The following CCDC38 variants were observed in gnomAD, a reference collection of about 807,000 sequenced individuals.
CCDC38 encodes the protein coiled-coil domain-containing protein 38.
CCDC38 carries 69 observed loss-of-function variants against 72.8 expected under a neutral mutation model. The ratio of observed to expected loss-of-function variants is 0.95; its 90% CI spans 0.78 to 1.16. CCDC38 has a LOEUF of 1.16. Among genes scored for constraint, CCDC38 ranks in the 50% most tolerant of loss-of-function variants. The probability of loss-of-function intolerance (pLI) is 0.00; values close to 1 mark genes in which losing one functional copy is unlikely to be tolerated. For missense variants in CCDC38, 626 were observed against 638.9 expected (o/e 0.98, Z 0.22); for synonymous variants, 201 against 213.2 (o/e 0.94, Z 0.50).
chr12:95,928,824 A>G (rs10777753), intron 2 of CCDC38, among the ~76,000 whole-genome samples: 102,715 of 152,068 alleles, frequency 0.68, 35,547 homozygotes, highest in East Asian at 0.95. Flanking sequence ...TGCCCCTGCT[A>G]GGGGGTGACT....
At chr12:95,893,501 T>G (rs948440506) in intron 8 of CCDC38, among the ~76,000 whole-genome samples, 1 of 147,264 alleles carries the variant, frequency 6.8e-6, no homozygotes, top group Non-Finnish European at 1.5e-5. Context: ...TCTCTCTTTT[T>G]TGAGACAGGG....
chr12:95,881,707 A>G (rs1033071969), intron 10 of CCDC38, among the ~76,000 whole-genome samples, 153 bp from the exon 11 acceptor site: 2 of 152,250 alleles, frequency 1.3e-5, no homozygotes, highest in Non-Finnish European at 2.9e-5. Context: ...CTGATTGCAG[A>G]AATCAATGGA....
chr12:95,940,634 A>G (rs184660852), intron 1 of CCDC38, among the ~76,000 whole-genome samples: 8 of 152,236 alleles, frequency 5.3e-5, no homozygotes, highest in African/African-American at 1.9e-4. Flanking sequence ...AGGGGCTGTG[A>G]ACTGTGTCCT....
At chr12:95,901,240 T>C (rs568528058) in intron 5 of CCDC38, among the ~76,000 whole-genome samples, 1 of 152,136 alleles carries the variant, frequency 6.6e-6, no homozygotes, top group Non-Finnish European at 1.5e-5. Flanking sequence ...ATAACCCCAA[T>C]ATTTTTGGTC....
At chr12:95,920,718 T>G (rs1418819461) in intron 2 of CCDC38, among the ~76,000 whole-genome samples, 1 of 152,094 alleles carries the variant, frequency 6.6e-6, no homozygotes, top group East Asian at 1.9e-4. Flanking sequence ...GCCTAGGGGT[T>G]GATGGCTGAG....
chr12:95,898,613 T>A lies in CCDC38; in HGVS notation c.488A>T (p.Glu163Val), dbSNP rs749255393. The change falls in exon 6 of 16, where the codon GAG (glutamate) becomes GTG (valine). Residue 163 changes from glutamate (E) to valine (V), a missense_variant. Glu to Val is a moderately radical substitution (Grantham distance 121). Coordinates refer to ENST00000344280, the MANE Select transcript of CCDC38 (RefSeq NM_182496.3). Reference sequence around the variant, plus strand: ...TCTCTGGTCATTTTCTCGAAGGAACTCTTCAAAGGCCAGTGCATCATCTTG... The same window carrying A: ...TCTCTGGTCATTTTCTCGAAGGAACACTTCAAAGGCCAGTGCATCATCTTG... ...KLQDDALAFE[E>V]FLRENDQRSV... 2.5e-6 allele frequency: 4 copies of A among 1,614,216 alleles called. No homozygotes were observed. In the South Asian group the frequency reaches 3.3e-5, roughly 13 times the overall value.
intron 2 of CCDC38, among the ~76,000 whole-genome samples, chr12:95,925,147 C>T (rs1246368546): frequency 9.2e-5 from 14 of 151,956 alleles, no homozygotes; most frequent in African/African-American, 2.4e-4. Context: ...GCCATTTTCA[C>T]GATATTGATT....
intron 15 of CCDC38, among the ~76,000 whole-genome samples, chr12:95,868,610 C>T (rs190570246): frequency 1.3e-5 from 2 of 152,296 alleles, no homozygotes; most frequent in East Asian, 1.9e-4. Context: ...AGTAAGCATT[C>T]GTTATGTGTT....
chr12:95,879,639 CT>C lies in CCDC38; in HGVS notation c.1142+4del. 6.4e-7 allele frequency: 1 copy of C among 1,567,630 alleles called. No homozygotes were observed. Among genetic ancestry groups the C allele is most frequent in the Non-Finnish European group, 8.7e-7 (1 of 1,145,512 alleles). ...GAATAAATCTACTTGTTTATAATGA[CT>C]TACGTTTTATCCTGTATAACTTTTT... is the stretch of plus-strand genomic sequence containing the variant. On this transcript the variant is annotated splice_donor_region_variant and intron_variant, in intron 12 of 15. Transcript: ENST00000344280. The surrounding 1 kb of genome is among the most constrained non-coding windows in gnomAD (Gnocchi z 5.5).
intron 7 of CCDC38, chr12:95,896,778 C>T (rs1418300310): frequency 6.6e-6 from 1 of 152,044 alleles, no homozygotes; most frequent in East Asian, 1.9e-4. Context: ...CACCTGCTGC[C>T]CTTGCTCCAC....
At chr12:95,878,421 C>T (rs2079660818) in intron 12 of CCDC38, 75 bp from the exon 13 acceptor site, 1 of 1,397,134 alleles carries the variant, frequency 7.2e-7, no homozygotes, top group African/African-American at 1.4e-5. Context: ...GGAGCTTTAA[C>T]ACTCTAGATC....
chr12:95,940,736 C>G (rs147646265), intron 1 of CCDC38, among the ~76,000 whole-genome samples: 2 of 152,158 alleles, frequency 1.3e-5, no homozygotes, highest in Non-Finnish European at 2.9e-5. Flanking sequence ...TGCACGCTGC[C>G]GCTTCTGACT....
At chr12:95,892,469 A>C (rs2079839135) in intron 8 of CCDC38, among the ~76,000 whole-genome samples, 1 of 150,858 alleles carries the variant, frequency 6.6e-6, no homozygotes, top group Admixed American at 6.6e-5. Context: ...TTTTTTGTAG[A>C]GACTATGTCT....
intron 2 of CCDC38, among the ~76,000 whole-genome samples, chr12:95,926,009 G>T (rs1303484112): frequency 7.5e-6 from 1 of 132,990 alleles, no homozygotes. Flanking sequence ...TCTCTTTTTT[G>T]GTTGTGTCTC....
intron 10 of CCDC38, among the ~76,000 whole-genome samples, chr12:95,881,880 G>A (rs1228867918): frequency 6.6e-6 from 1 of 152,192 alleles, no homozygotes; most frequent in Non-Finnish European, 1.5e-5. Context: ...GACAGCCTAT[G>A]TTGCCTCATC....
At chr12:95,910,343 T>C (rs914300245) in intron 4 of CCDC38, among the ~76,000 whole-genome samples, 6 of 150,658 alleles carry the variant, frequency 4.0e-5, no homozygotes, top group African/African-American at 1.5e-4. Context: ...AAAATACCTA[T>C]GGATATTTGT....
chr12:95,922,917 T>C (rs1179528640), intron 2 of CCDC38, among the ~76,000 whole-genome samples: 3 of 152,140 alleles, frequency 2.0e-5, no homozygotes, highest in Non-Finnish European at 4.4e-5. Context: ...AGATTAAATG[T>C]TATTTCTGGT....
chr12:95,874,612 G>A (rs2079616315), intron 13 of CCDC38, among the ~76,000 whole-genome samples: 1 of 152,198 alleles, frequency 6.6e-6, no homozygotes, highest in Non-Finnish European at 1.5e-5. Context: ...GACAGGGAAG[G>A]GAAGTTTCAG....
At chr12:95,900,797 A>G (rs746944890) in intron 5 of CCDC38, among the ~76,000 whole-genome samples, 1 of 152,252 alleles carries the variant, frequency 6.6e-6, no homozygotes, top group Non-Finnish European at 1.5e-5. Flanking sequence ...ATGTAAATAA[A>G]TAAATAAATA....
Sources: allele counts gnomAD v4.1 joint callset (sites outside exome capture counted in the v4.1 genomes callset), GRCh38; gene constraint gnomAD v4.1.1; non-coding constraint Gnocchi (gnomAD v3.1); transcripts MANE v1.5; gene names NCBI Gene and HGNC (gene_info 2026-07-23, HGNC 2026-07-21).